Variants in SLIT2 observed in about 807,000 individuals in gnomAD.
SLIT2 encodes slit guidance ligand 2, also known as slit homolog 2 protein.
A neutral mutation model predicts 185.7 loss-of-function variants in SLIT2; 41 were observed. That is an observed-to-expected ratio of 0.22 (90% confidence interval 0.17 to 0.29). The LOEUF is 0.29. Among genes scored for constraint, SLIT2 ranks in the 10% least tolerant of loss-of-function variants. The pLI, the probability that SLIT2 is intolerant of heterozygous loss-of-function variation, is 1.00. For missense variants in SLIT2, 1,571 were observed against 1,909.0 expected, an observed-to-expected ratio of 0.82 and a Z score of 3.30; for synonymous variants, 693 against 680.2, an observed-to-expected ratio of 1.02 and a Z score of -0.29.
At chr4:20,496,274 T>C (rs558569129) in intron 9 of SLIT2, among the ~76,000 whole-genome samples, 74 of 152,324 alleles carry the variant, frequency 4.9e-4, no homozygotes, top group Non-Finnish European at 7.9e-4. Flanking sequence ...GTAACTTCAA[T>C]TATTTGTTAA....
At chr4:20,264,018 A>T (rs1712773002) in intron 3 of SLIT2, among the ~76,000 whole-genome samples, 1 of 151,898 alleles carries the variant, frequency 6.6e-6, no homozygotes, top group South Asian at 2.1e-4. Flanking sequence ...TGGTTATTTC[A>T]GAGTGTTTCT....
rs1577782837 is a variant in SLIT2, at chr4:20,495,326, A to G, written c.914+3427A>G. Among the ~76,000 whole-genome samples, 4 of 152,330 alleles carry G rather than the reference A, an allele frequency of 2.6e-5. No homozygotes were observed. The South Asian group carries it at 8.3e-4, about 32-fold the overall frequency. On this transcript the variant is annotated intron_variant, in intron 9 of 36. Transcript: ENST00000504154. ...GTCAGAATGAGTTTAGAGAGAAACG[A>G]GAGTGTGAGAGTTATATAAGATACA... is the stretch of plus-strand genomic sequence containing the variant.
At chr4:20,383,629 G>A (rs1724707205) in intron 4 of SLIT2, among the ~76,000 whole-genome samples, 1 of 151,996 alleles carries the variant, frequency 6.6e-6, no homozygotes. Context: ...GTGCAAAAAT[G>A]GTTCATTTAT....
Position 20,553,834 on chromosome 4 carries a change from A to G in SLIT2, c.2591A>G (p.Asp864Gly), listed in dbSNP as rs1367407719. 9.4e-6 allele frequency: 15 copies of G among 1,592,112 alleles called. No homozygotes were observed. The highest frequency in any genetic ancestry group is 1.3e-5 in the Non-Finnish European group (15 of 1,173,450). ...ATTGGAGCCAACCCTCTTTACTGTG[A>G]TTGTAACATGCAGTGGTTATCCGAC... The part of the protein sequence containing the change: ...LAIGANPLYC[D>G]CNMQWLSDWV... Residue 864 changes from aspartate (D) to glycine (G), a missense_variant, in exon 26 of 37, where the codon GAT becomes GGT. By Grantham distance (94) the Asp-to-Gly change is moderately conservative. Transcript: ENST00000504154.
At chr4:20,566,589 A>G (rs1725111250) in intron 26 of SLIT2, among the ~76,000 whole-genome samples, 1 of 152,032 alleles carries the variant, frequency 6.6e-6, no homozygotes, top group Admixed American at 6.6e-5. Context: ...CGTTTCAAAG[A>G]TGTTTTCTTT....
intron 4 of SLIT2, among the ~76,000 whole-genome samples, chr4:20,418,123 G>C (rs1349616676): frequency 6.6e-6 from 1 of 152,110 alleles, no homozygotes; most frequent in African/African-American, 2.4e-5. Flanking sequence ...AGTTGAATTG[G>C]CATGGGAATG....
At chr4:20,476,303 C>A (rs187242375) in intron 5 of SLIT2, among the ~76,000 whole-genome samples, 10 of 152,056 alleles carry the variant, frequency 6.6e-5, no homozygotes, top group Admixed American at 6.5e-4. Context: ...CTTTTTCTCC[C>A]ATGTGGTTTA....
chr4:20,442,546 G>C (rs867606630), intron 4 of SLIT2, among the ~76,000 whole-genome samples: 39 of 148,148 alleles, frequency 2.6e-4, no homozygotes, highest in East Asian at 5.9e-4. Flanking sequence ...AAAAAAAAGG[G>C]GGGGGAGGGA....
At chr4:20,360,071 T>C (rs1363826192) in intron 4 of SLIT2, among the ~76,000 whole-genome samples, 1 of 152,016 alleles carries the variant, frequency 6.6e-6, no homozygotes, top group East Asian at 1.9e-4. Context: ...CCAGATCAGG[T>C]CATGTGACAG....
intron 5 of SLIT2, among the ~76,000 whole-genome samples, chr4:20,470,533 T>TGC (rs1182088796): frequency 7.7e-6 from 1 of 129,608 alleles, no homozygotes; most frequent in Non-Finnish European, 1.7e-5. Flanking sequence ...TGTGTGTGTG[T>TGC]AATGTAAGGG....
At chr4:20,305,093 A>G (rs2109116724) in intron 4 of SLIT2, among the ~76,000 whole-genome samples, 1 of 152,304 alleles carries the variant, frequency 6.6e-6, no homozygotes, top group Middle Eastern at 3.4e-3. Context: ...TGTTTGCTGA[A>G]TGTAATATTG....
chr4:20,496,905 G>C (rs1193046951), intron 9 of SLIT2, among the ~76,000 whole-genome samples: 2 of 152,090 alleles, frequency 1.3e-5, no homozygotes, highest in Non-Finnish European at 2.9e-5. Context: ...TCTCCCTGTA[G>C]ACAAACTGGT....
intron 4 of SLIT2, among the ~76,000 whole-genome samples, chr4:20,460,899 A>T (rs1577699122): frequency 1.3e-5 from 2 of 152,268 alleles, no homozygotes; most frequent in South Asian, 4.2e-4. Flanking sequence ...GGAACAAGGG[A>T]CTCCCCAATA....
At chr4:20,557,853 T>C (rs1168905625) in intron 26 of SLIT2, among the ~76,000 whole-genome samples, 3 of 151,580 alleles carry the variant, frequency 2.0e-5, no homozygotes, top group African/African-American at 2.4e-5. Context: ...TTAACAGGAG[T>C]TTGGAAGAAG....
intron 4 of SLIT2, among the ~76,000 whole-genome samples, chr4:20,293,642 C>T (rs150124279): frequency 6.6e-6 from 1 of 152,166 alleles, no homozygotes; most frequent in African/African-American, 2.4e-5. Context: ...AAACCATTTC[C>T]CATCTTCTAC....
chr4:20,330,283 T>C (rs1719953477), intron 4 of SLIT2, among the ~76,000 whole-genome samples: 1 of 152,050 alleles, frequency 6.6e-6, no homozygotes, highest in African/African-American at 2.4e-5. Flanking sequence ...CCCACCAAAC[T>C]CCTTTCCTGC....
intron 4 of SLIT2, among the ~76,000 whole-genome samples, chr4:20,428,740 G>A (rs941934798): frequency 4.8e-4 from 73 of 152,050 alleles, no homozygotes; most frequent in African/African-American, 1.7e-3. Context: ...ATTCTGCATC[G>A]TTTTTTCCAT....
chr4:20,301,855 C>A (rs11946304), intron 4 of SLIT2, among the ~76,000 whole-genome samples: 29,911 of 152,076 alleles, frequency 0.2, 3,503 homozygotes, highest in Middle Eastern at 0.31. Flanking sequence ...TTCTCCCTAA[C>A]TATGCTAGAC....
At chr4:20,327,525 T>C (rs1344481836) in intron 4 of SLIT2, among the ~76,000 whole-genome samples, 3 of 152,056 alleles carry the variant, frequency 2.0e-5, no homozygotes, top group African/African-American at 7.2e-5. Flanking sequence ...TAATTGTTTT[T>C]CTTCCTTCTT....
Sources: allele counts gnomAD v4.1 joint callset (sites outside exome capture counted in the v4.1 genomes callset), GRCh38; gene constraint gnomAD v4.1.1; transcripts MANE v1.5; gene names NCBI Gene and HGNC (gene_info 2026-07-23, HGNC 2026-07-21).